ZSWIM6: variants seen among roughly 807,000 people sequenced by gnomAD.
ZSWIM6 encodes the protein zinc finger SWIM domain-containing protein 6.
In ZSWIM6, 9 loss-of-function variants were observed where a neutral mutation model predicts 113.2. The ratio of observed to expected loss-of-function variants is 0.08; its 90% CI spans 0.05 to 0.14. The LOEUF (loss-of-function observed/expected upper bound fraction) is 0.14. ZSWIM6 is among the 10% of genes least tolerant of loss of function. The probability of loss-of-function intolerance (pLI) is 1.00; values close to 1 mark genes in which losing one functional copy is unlikely to be tolerated. For synonymous variants in ZSWIM6, 611 were observed against 606.5 expected (o/e 1.01, Z -0.11); for missense variants, 1,162 against 1,552.2 (o/e 0.75, Z 4.22).
chr5:61,395,416 A>G (rs1329231012), intron 1 of ZSWIM6, among the ~76,000 whole-genome samples: 1 of 151,994 alleles, frequency 6.6e-6, no homozygotes, highest in Admixed American at 6.5e-5. Context: ...CTGTGCATTG[A>G]TTTTTTTCCC....
At chr5:61,419,094 T>C (rs1359098830) in intron 1 of ZSWIM6, among the ~76,000 whole-genome samples, 1 of 152,250 alleles carries the variant, frequency 6.6e-6, no homozygotes, top group Non-Finnish European at 1.5e-5. Flanking sequence ...AGTTTTGGGA[T>C]TACAGGCATG....
intron 7 of ZSWIM6, among the ~76,000 whole-genome samples, chr5:61,527,543 G>A (rs1749320502): frequency 6.6e-6 from 1 of 152,178 alleles, no homozygotes; most frequent in Non-Finnish European, 1.5e-5. Context: ...AGCCCCGATT[G>A]TCGTGACTTT....
chr5:61,505,621 T>A (rs1748582446), intron 4 of ZSWIM6, among the ~76,000 whole-genome samples: 2 of 70,038 alleles, frequency 2.9e-5, no homozygotes, highest in African/African-American at 1.1e-4. Flanking sequence ...CTTCCTTCCT[T>A]CCTTCCTTCC....
chr5:61,479,965 A>C (rs984455529), intron 2 of ZSWIM6, among the ~76,000 whole-genome samples: 1 of 152,178 alleles, frequency 6.6e-6, no homozygotes, highest in Non-Finnish European at 1.5e-5. Context: ...CTATTCTTAA[A>C]GCCTGCAAAC....
intron 1 of ZSWIM6, among the ~76,000 whole-genome samples, chr5:61,351,127 C>A (rs1280973581): frequency 1.3e-5 from 2 of 152,174 alleles, no homozygotes; most frequent in Non-Finnish European, 2.9e-5. Context: ...GTTGCCTGAT[C>A]TAGTGCAGCT....
intron 2 of ZSWIM6, among the ~76,000 whole-genome samples, chr5:61,479,459 A>G (rs538360665): frequency 6.6e-6 from 1 of 152,234 alleles, no homozygotes; most frequent in South Asian, 2.1e-4. Context: ...CTCTTTGGTC[A>G]TCTCTGACAC....
At chr5:61,389,439 T>C (rs13162358) in intron 1 of ZSWIM6, among the ~76,000 whole-genome samples, 30,306 of 150,124 alleles carry the variant, frequency 0.2, 3,113 homozygotes, top group South Asian at 0.31. Flanking sequence ...CCTGTAATCC[T>C]GGCTACTCGG....
At chr5:61,527,580 A>G (rs913983200) in intron 7 of ZSWIM6, among the ~76,000 whole-genome samples, 2 of 152,212 alleles carry the variant, frequency 1.3e-5, no homozygotes, top group South Asian at 2.1e-4. Context: ...TCTTCATATC[A>G]TCACTGGTGT....
chr5:61,365,453 A>G (rs760471230), intron 1 of ZSWIM6, among the ~76,000 whole-genome samples: 1 of 152,186 alleles, frequency 6.6e-6, no homozygotes. Flanking sequence ...GGCAGTTTCT[A>G]TGGTGTGACA....
chr5:61,392,643 G>A (rs185678678), intron 1 of ZSWIM6, among the ~76,000 whole-genome samples: 9 of 152,146 alleles, frequency 5.9e-5, no homozygotes, highest in Middle Eastern at 3.4e-3. Context: ...GATGGAGTTC[G>A]GTGTTTTTAC....
At chr5:61,433,305 AAAG>A (rs1746624416) in intron 1 of ZSWIM6, among the ~76,000 whole-genome samples, 3 of 152,222 alleles carry the variant, frequency 2.0e-5, no homozygotes, top group Non-Finnish European at 2.9e-5. Context: ...TGATAGTGTC[AAAG>A]AAGAAGTTTC....
chr5:61,497,325 T>C (rs1271051357), intron 4 of ZSWIM6, among the ~76,000 whole-genome samples: 1 of 152,194 alleles, frequency 6.6e-6, no homozygotes, highest in East Asian at 1.9e-4. Flanking sequence ...AAAATTTAAA[T>C]GTTGATGTTT....
intron 2 of ZSWIM6, among the ~76,000 whole-genome samples, chr5:61,481,731 C>T (rs1356599345): frequency 6.6e-6 from 1 of 151,972 alleles, no homozygotes. Flanking sequence ...ATGAATTCTC[C>T]TTTGCTTTCT....
chr5:61,483,106 A>G (rs1202039623), intron 2 of ZSWIM6, among the ~76,000 whole-genome samples: 1 of 152,214 alleles, frequency 6.6e-6, no homozygotes, highest in Admixed American at 6.5e-5. Flanking sequence ...AGTTCTTGAG[A>G]CTGAGAAGTC....
chr5:61,418,360 C>G (rs973166927), intron 1 of ZSWIM6, among the ~76,000 whole-genome samples: 3 of 151,970 alleles, frequency 2.0e-5, no homozygotes, highest in African/African-American at 7.3e-5. Context: ...CTCCGCTTCC[C>G]GGGTTCAAGT....
chr5:61,482,492 A>G (rs1747898897), intron 2 of ZSWIM6, among the ~76,000 whole-genome samples: 1 of 152,184 alleles, frequency 6.6e-6, no homozygotes, highest in African/African-American at 2.4e-5. Flanking sequence ...CAGTAAAAAT[A>G]AATAAATAGT....
intron 3 of ZSWIM6, among the ~76,000 whole-genome samples, chr5:61,491,688 T>G (rs1580033992): frequency 6.6e-6 from 1 of 152,188 alleles, no homozygotes; most frequent in South Asian, 2.1e-4. Context: ...TATTAAATCA[T>G]TATATTTTCA....
intron 1 of ZSWIM6, among the ~76,000 whole-genome samples, chr5:61,443,351 G>A (rs1746877676): frequency 6.6e-6 from 1 of 152,070 alleles, no homozygotes; most frequent in African/African-American, 2.4e-5. Flanking sequence ...AGAATTTCAG[G>A]AATCACATTC....
chr5:61,536,536 A>G (rs1025170517), intron 10 of ZSWIM6, among the ~76,000 whole-genome samples: 2 of 152,240 alleles, frequency 1.3e-5, no homozygotes, highest in Non-Finnish European at 2.9e-5. Flanking sequence ...GCTGATTAAC[A>G]GTTTGATCTC....
Sources: allele counts gnomAD v4.1 joint callset (sites outside exome capture counted in the v4.1 genomes callset), GRCh38; gene constraint gnomAD v4.1.1; transcripts MANE v1.5; gene names NCBI Gene and HGNC (gene_info 2026-07-23, HGNC 2026-07-21).